Variants in PCDHA1 observed in about 807,000 individuals in gnomAD.
PCDHA1 encodes the protein protocadherin alpha 1.
A neutral mutation model predicts 61.3 loss-of-function variants in PCDHA1; 42 were observed. The observed-to-expected ratio is 0.69, with a 90% CI of 0.54 to 0.89. The LOEUF (loss-of-function observed/expected upper bound fraction) is 0.89, where lower values mean the gene tolerates loss of function less well. Ranked by LOEUF, PCDHA1 falls within the 40% of genes least tolerant of loss-of-function variation. PCDHA1 has a pLI of 0.00. For missense variants in PCDHA1, 1,256 were observed against 1,235.3 expected (o/e 1.02, Z -0.25); for synonymous variants, 610 against 553.8 (o/e 1.10, Z -1.43).
rs151084513 is a variant in PCDHA1, at chr5:140,927,608, G to T, written c.2395-51341G>T. The T allele has an allele frequency of 1.2e-6, 2 of 1,614,168 alleles. No individual in the cohort carries two copies. The highest frequency in any genetic ancestry group is 3.3e-4 in the Middle Eastern group (2 of 6,062). Reference sequence around the variant, plus strand: ...CCTGTATTTGAGCGCTCCGTATACCGCACCAAGGTTCCAGAGACTGCACCC... The same window carrying T: ...CCTGTATTTGAGCGCTCCGTATACCTCACCAAGGTTCCAGAGACTGCACCC... On this transcript the variant is annotated intron_variant, in intron 1 of 3. Coordinates refer to ENST00000504120, the MANE Select transcript of PCDHA1 (RefSeq NM_018900.4).
chr5:140,821,896 G>A (rs2150111704), intron 1 of PCDHA1: 3 of 1,614,236 alleles, frequency 1.9e-6, no homozygotes, highest in Non-Finnish European at 2.5e-6. Context: ...AGCCAAACAC[G>A]GAACCTTCGT....
At chr5:140,925,740 G>T (rs1008956010) in intron 1 of PCDHA1, among the ~76,000 whole-genome samples, 19 of 151,764 alleles carry the variant, frequency 1.3e-4, no homozygotes, top group African/African-American at 4.6e-4. Flanking sequence ...AATATTTACA[G>T]AAAGAAAATT....
At position 140,824,023 on chromosome 5, in the gene PCDHA1, T is replaced by A. The variant is rs201009574; in HGVS notation, c.2394+35339T>A. The A allele has an allele frequency of 1.6e-5, 26 of 1,614,080 alleles. No homozygotes were observed. The Admixed American group carries it at 2.3e-4, about 14-fold the overall frequency. ...CAGCGCGGTGGGGAGCTGGTCGTAC[T>A]CGCAGCAGAGGAGACAGAGGGTGTG... On this transcript the variant is annotated intron_variant, in intron 1 of 3. Coordinates refer to ENST00000504120, the MANE Select transcript of PCDHA1 (RefSeq NM_018900.4).
chr5:140,904,716 G>T, intron 1 of PCDHA1, among the ~76,000 whole-genome samples: 1 of 151,886 alleles, frequency 6.6e-6, no homozygotes. Context: ...ACCACATTCT[G>T]GCCAACATCT....
At position 140,896,858 on chromosome 5, in the gene PCDHA1, A is replaced by T. The variant is rs1448787828; in HGVS notation, c.2395-82091A>T. On this transcript the variant is annotated intron_variant, in intron 1 of 3. Coordinates refer to ENST00000504120, the MANE Select transcript of PCDHA1 (RefSeq NM_018900.4). Reference sequence around the variant, plus strand: ...TATTTTTTAATTTTATGGGTACATAATAAGTGTACATATTTATGGGGTATA... The same window carrying T: ...TATTTTTTAATTTTATGGGTACATATTAAGTGTACATATTTATGGGGTATA... Among the ~76,000 whole-genome samples, 3 of 152,310 alleles carry T rather than the reference A, an allele frequency of 2.0e-5. No homozygotes were observed. In the South Asian group the frequency reaches 6.2e-4, roughly 32 times the overall value.
intron 1 of PCDHA1, chr5:140,877,199 C>T (rs1345698735): frequency 8.7e-6 from 14 of 1,613,698 alleles, no homozygotes; most frequent in Non-Finnish European, 1.2e-5. Flanking sequence ...GCAGGAGGCG[C>T]AGTTAGCGAG....
chr5:140,892,250 T>G (rs781827855), intron 1 of PCDHA1, among the ~76,000 whole-genome samples: 2 of 152,182 alleles, frequency 1.3e-5, no homozygotes, highest in Non-Finnish European at 2.9e-5. Flanking sequence ...AACCTGGTTA[T>G]CTTTGATTTT....
rs1554169498 is a variant in PCDHA1 at position 140,877,227 on chromosome 5, G to A, written c.2394+88543G>A. On this transcript the variant is annotated intron_variant, in intron 1 of 3. Transcript: ENST00000504120. ...TTAGCGAGTTGGTACCGCGGTCGGT[G>A]GGTGCGGGCCACGTGGTGGCGAAAG... The A allele has an allele frequency of 1.9e-6, 3 of 1,613,738 alleles. No homozygotes were observed. The South Asian group carries it at 3.3e-5, about 18-fold the overall frequency.
intron 1 of PCDHA1, among the ~76,000 whole-genome samples, chr5:140,918,454 C>A (rs1168986520): frequency 6.6e-6 from 1 of 152,158 alleles, no homozygotes; most frequent in Non-Finnish European, 1.5e-5. Context: ...CAGTGGGCAT[C>A]CTTGTCTTAT....
rs782251882 is a variant in PCDHA1 at position 140,869,140 on chromosome 5, C to T, written c.2394+80456C>T. 4 of 1,613,188 alleles carry T rather than the reference C, an allele frequency of 2.5e-6. No homozygotes were observed. In the South Asian group the frequency reaches 3.3e-5, roughly 13 times the overall value. On this transcript the variant is annotated intron_variant, in intron 1 of 3. Coordinates refer to ENST00000504120, the MANE Select transcript of PCDHA1 (RefSeq NM_018900.4). ...TCAGAGAAGGGGATTGGGCACCCCA[C>T]GACTACAGCTCTGGCTTCTCCTCCT...
chr5:140,868,121 C>T (rs920378220), intron 1 of PCDHA1: 1 of 151,814 alleles, frequency 6.6e-6, no homozygotes, highest in Non-Finnish European at 1.5e-5. Flanking sequence ...AGTTGAAAAG[C>T]CTATTTCTGT....
chr5:140,900,178 T>C (rs972449455), intron 1 of PCDHA1, among the ~76,000 whole-genome samples: 2 of 152,238 alleles, frequency 1.3e-5, no homozygotes, highest in African/African-American at 2.4e-5. Context: ...GCCTGGTTTA[T>C]GTCACTTATA....
intron 1 of PCDHA1, among the ~76,000 whole-genome samples, chr5:140,917,329 G>GGC (rs1563018868): frequency 6.9e-6 from 1 of 143,930 alleles, no homozygotes; most frequent in Non-Finnish European, 1.5e-5. Context: ...TGTGGCGGGG[G>GGC]AGGGGGGGGA....
chr5:140,818,062 G>A (rs2150100004), intron 1 of PCDHA1, among the ~76,000 whole-genome samples: 2 of 152,042 alleles, frequency 1.3e-5, no homozygotes, highest in East Asian at 1.9e-4. Flanking sequence ...TTTTAATCTC[G>A]CTTGCAGTTT....
chr5:140,897,446 T>G (rs2066114237), intron 1 of PCDHA1, among the ~76,000 whole-genome samples: 1 of 151,576 alleles, frequency 6.6e-6, no homozygotes, highest in South Asian at 2.1e-4. Context: ...GTGTTTGGTT[T>G]TTTGTCCTTG....
rs201735874 is a variant in PCDHA1, at chr5:140,821,856, C to A, written c.2394+33172C>A. On this transcript the variant is annotated intron_variant, in intron 1 of 3. Coordinates refer to ENST00000504120, the MANE Select transcript of PCDHA1 (RefSeq NM_018900.4). ...TCCTTGCCTACTGGAAGGCAGGGAG[C>A]GGCCAGCTCCACTACTCGATCCCGG... The A allele has an allele frequency of 5.5e-5, 88 of 1,614,042 alleles. No homozygotes were observed. The highest frequency in any genetic ancestry group is 1.9e-4 in the South Asian group (17 of 91,076).
At chr5:140,848,691 T>C in intron 1 of PCDHA1, 1 of 1,592,078 alleles carries the variant, frequency 6.3e-7, no homozygotes, top group South Asian at 1.1e-5. Context: ...CCTGTTCCAG[T>C]TGGATTCCAA....
intron 1 of PCDHA1, chr5:140,870,402 T>A (rs782585618): frequency 3.7e-6 from 6 of 1,614,230 alleles, no homozygotes; most frequent in Middle Eastern, 1.6e-4. Context: ...GTTCGCCTTC[T>A]CTGTGGGCCA....
At chr5:140,827,981 T>C (rs1359301062) in intron 1 of PCDHA1, 2 of 1,423,020 alleles carry the variant, frequency 1.4e-6, no homozygotes, top group Non-Finnish European at 1.9e-6. Flanking sequence ...ATTCCCTGAC[T>C]GTTGAATGAT....
Sources: gnomAD v4.1 joint callset for allele counts (sites outside exome capture counted in the v4.1 genomes callset) on GRCh38, gnomAD v4.1.1 for gene constraint, MANE v1.5 for transcripts, NCBI Gene and HGNC (gene_info 2026-07-23, HGNC 2026-07-21) for gene names.